DACH2: variants seen among roughly 807,000 people sequenced by gnomAD.
DACH2 encodes dachshund homolog 2.
DACH2 carries 17 observed loss-of-function variants against 35.8 expected under a neutral mutation model. That is an observed-to-expected ratio of 0.48 (90% CI 0.33 to 0.71). DACH2 has a LOEUF of 0.71. DACH2 is among the 30% of genes least tolerant of loss of function. DACH2 has a pLI of 0.02. For missense variants in DACH2, 469 were observed against 472.7 expected, an observed-to-expected ratio of 0.99 and a Z score of 0.07; for synonymous variants, 195 against 177.3, an observed-to-expected ratio of 1.10 and a Z score of -0.79.
At chrX:86,813,766 G>C (rs917591713) in intron 9 of DACH2, among the ~76,000 whole-genome samples, 1 of 110,647 alleles carries the variant, frequency 9.0e-6, no homozygotes, top group Non-Finnish European at 1.9e-5. Flanking sequence ...GTGATCTTTG[G>C]TCTTCAGGCT....
chrX:86,221,498 C>T (rs1006658964), intron 1 of DACH2, among the ~76,000 whole-genome samples: 2 of 111,707 alleles, frequency 1.8e-5, no homozygotes, highest in African/African-American at 6.5e-5. Context: ...AAATGTGAGG[C>T]CATCAGCTTT....
chrX:86,376,345 T>C (rs929465932), intron 1 of DACH2, among the ~76,000 whole-genome samples: 6 of 109,673 alleles, frequency 5.5e-5, no homozygotes, highest in Non-Finnish European at 1.1e-4. Flanking sequence ...AAATAAAAGA[T>C]GAGAAAAAAT....
rs981968188 is a variant in DACH2 at position 86,309,742 on chromosome X, C to G, written c.489-67082C>G. ...TAGAGAATAAATTGCTGTATTTGAC[C>G]CTCCTACAACCAAGAAAGAGGCACA... is the stretch of plus-strand genomic sequence containing the variant. On this transcript the variant is annotated intron_variant, in intron 1 of 11. Coordinates refer to ENST00000373125, the MANE Select transcript of DACH2 (RefSeq NM_053281.3). Among the ~76,000 whole-genome samples the G allele has an allele frequency of 2.8e-4, 31 of 111,825 alleles. 1 individual carries two copies. The highest frequency in any genetic ancestry group is 9.5e-4 in the African/African-American group (29 of 30,684).
At chrX:86,827,419 C>T (rs1556420300) in intron 11 of DACH2, among the ~76,000 whole-genome samples, 1 of 111,322 alleles carries the variant, frequency 9.0e-6, no homozygotes, top group African/African-American at 3.3e-5. Flanking sequence ...GGCTCATAAG[C>T]ATATTTTAGA....
intron 1 of DACH2, among the ~76,000 whole-genome samples, chrX:86,356,215 G>A (rs1212803577): frequency 1.8e-5 from 2 of 111,466 alleles, no homozygotes; most frequent in African/African-American, 6.5e-5. Context: ...TGTATATGGT[G>A]AAAGAAAGGG....
chrX:86,653,932 G>A (rs1166368549), intron 4 of DACH2, among the ~76,000 whole-genome samples: 1 of 110,141 alleles, frequency 9.1e-6, no homozygotes, highest in African/African-American at 3.3e-5. Flanking sequence ...CTCCCAAAGT[G>A]CTGGGATTAC....
At chrX:86,400,992 G>T (rs972922041) in intron 2 of DACH2, among the ~76,000 whole-genome samples, 9 of 112,502 alleles carry the variant, frequency 8.0e-5, no homozygotes, top group Non-Finnish European at 1.7e-4. Context: ...GCCTACAGAG[G>T]CAGGCAGGCC....
intron 2 of DACH2, among the ~76,000 whole-genome samples, chrX:86,475,557 T>G (rs1157646930): frequency 1.8e-5 from 2 of 112,412 alleles, no homozygotes; most frequent in Non-Finnish European, 3.8e-5. Flanking sequence ...CTACTGGATT[T>G]GTTTATAAGT....
intron 2 of DACH2, among the ~76,000 whole-genome samples, chrX:86,422,532 A>AT (rs941563171): frequency 2.7e-5 from 3 of 110,134 alleles, no homozygotes; most frequent in African/African-American, 6.6e-5. Context: ...TTTTTAAAAA[A>AT]TTTTTTTGTG....
At chrX:86,250,183 A>C (rs1437208729) in intron 1 of DACH2, among the ~76,000 whole-genome samples, 3 of 111,579 alleles carry the variant, frequency 2.7e-5, no homozygotes, top group East Asian at 5.6e-4. Flanking sequence ...AAACTTGCAC[A>C]TGTACTTCGT....
At chrX:86,293,959 G>A (rs1188052028) in intron 1 of DACH2, among the ~76,000 whole-genome samples, 2 of 111,404 alleles carry the variant, frequency 1.8e-5, no homozygotes, top group African/African-American at 6.5e-5. Context: ...TCCTGAATCT[G>A]AATGTTAGCC....
At chrX:86,447,002 T>C (rs1464871833) in intron 2 of DACH2, among the ~76,000 whole-genome samples, 3 of 66,996 alleles carry the variant, frequency 4.5e-5, no homozygotes, top group Non-Finnish European at 8.3e-5. Context: ...TGGTGTGAGA[T>C]GATATCTCAT....
chrX:86,809,773 G>T (rs1224021751), intron 7 of DACH2, among the ~76,000 whole-genome samples: 1 of 110,775 alleles, frequency 9.0e-6, no homozygotes, highest in Non-Finnish European at 1.9e-5. Context: ...AGAGTCCAGG[G>T]TTATCTCATC....
At chrX:86,631,801 CT>C (rs779834249) in intron 3 of DACH2, among the ~76,000 whole-genome samples, 1 of 111,322 alleles carries the variant, frequency 9.0e-6, no homozygotes, top group African/African-American at 3.3e-5. Context: ...TTTTTTGGTT[CT>C]TTTCCTTGTA....
intron 2 of DACH2, among the ~76,000 whole-genome samples, chrX:86,499,154 G>C (rs1019565066): frequency 8.9e-6 from 1 of 112,215 alleles, no homozygotes; most frequent in Admixed American, 9.5e-5. Flanking sequence ...ATTTGAAGCT[G>C]TCTATCTTCA....
At chrX:86,325,456 G>A (rs1047531586) in intron 1 of DACH2, among the ~76,000 whole-genome samples, 30 of 112,262 alleles carry the variant, frequency 2.7e-4, no homozygotes, top group African/African-American at 9.4e-4. Context: ...TTGCAGAAAT[G>A]TGATTCATAT....
chrX:86,574,506 A>T (rs149061641), intron 3 of DACH2, among the ~76,000 whole-genome samples: 7 of 111,379 alleles, frequency 6.3e-5, no homozygotes, highest in African/African-American at 2.3e-4. Context: ...AGGCTTAGAG[A>T]TATACATATT....
intron 7 of DACH2, among the ~76,000 whole-genome samples, chrX:86,765,703 T>G (rs1445859646): frequency 2.1e-5 from 2 of 94,927 alleles, no homozygotes; most frequent in African/African-American, 7.7e-5. Flanking sequence ...TTTTGGTTTT[T>G]TTTTTTTTTT....
chrX:86,408,172 T>C (rs1338572608), intron 2 of DACH2, among the ~76,000 whole-genome samples: 1 of 111,916 alleles, frequency 8.9e-6, no homozygotes, highest in Non-Finnish European at 1.9e-5. Context: ...AGAAACTGTA[T>C]GATCTCGCTT....
Sources: gnomAD v4.1 joint callset for allele counts (sites outside exome capture counted in the v4.1 genomes callset) on GRCh38, gnomAD v4.1.1 for gene constraint, MANE v1.5 for transcripts, NCBI Gene and HGNC (gene_info 2026-07-23, HGNC 2026-07-21) for gene names.